Variants in HDAC4 observed in about 807,000 individuals in gnomAD.
HDAC4 encodes histone deacetylase 4.
HDAC4 carries 16 observed loss-of-function variants against 135.1 expected under a neutral mutation model. That is an observed-to-expected ratio of 0.12 (90% CI 0.08 to 0.18). The LOEUF (loss-of-function observed/expected upper bound fraction) is 0.18. Ranked by LOEUF, HDAC4 falls within the 10% of genes least tolerant of loss-of-function variation. The probability of loss-of-function intolerance (pLI) is 1.00; values close to 1 mark genes in which losing one functional copy is unlikely to be tolerated. For synonymous variants in HDAC4, 685 were observed against 653.4 expected (o/e 1.05, Z -0.74); for missense variants, 1,143 against 1,511.8 (o/e 0.76, Z 4.05).
At chr2:239,385,518 C>A (rs1299461115) in intron 1 of HDAC4, among the ~76,000 whole-genome samples, 1 of 149,852 alleles carries the variant, frequency 6.7e-6, no homozygotes, top group Non-Finnish European at 1.5e-5. Flanking sequence ...GCCACAGGGG[C>A]CCCTGTTCCC....
At chr2:239,293,414 A>G (rs980955647) in intron 2 of HDAC4, among the ~76,000 whole-genome samples, 3 of 152,194 alleles carry the variant, frequency 2.0e-5, no homozygotes, top group African/African-American at 7.2e-5. Context: ...AGAAAACCCT[A>G]TTTGAGAAGG....
At chr2:239,321,675 C>G (rs2053317722) in intron 2 of HDAC4, among the ~76,000 whole-genome samples, 1 of 152,078 alleles carries the variant, frequency 6.6e-6, no homozygotes, top group African/African-American at 2.4e-5. Flanking sequence ...TGCTTCCTGT[C>G]AGAGTACAGG....
rs185104540 is a variant in HDAC4, at chr2:239,049,049, G to C, written c.*4048C>G. 6.6e-6 allele frequency: 1 copy of C among 152,226 alleles called. No individual in the cohort carries two copies. The highest frequency in any genetic ancestry group is 1.5e-5 in the Non-Finnish European group (1 of 68,042). 9.4% of individuals were successfully genotyped at this position (152,226 alleles called of 1,614,324 possible). A position where few individuals can be genotyped will look rare whatever the true frequency, so the allele number is the denominator to read the frequency against. ...AAACAAAATTCCTCCAAATCAACTC[G>C]AGAGAGACAGGCAGTTCACTGTGAA... On this transcript the variant is annotated 3_prime_UTR_variant, in exon 27 of 27. Transcript: ENST00000543185.
intron 5 of HDAC4, among the ~76,000 whole-genome samples, chr2:239,165,201 C>T (rs1175428286): frequency 2.7e-5 from 4 of 150,916 alleles, no homozygotes; most frequent in Admixed American, 2.6e-4. Flanking sequence ...CCACCCTGCG[C>T]AATGCGAGTT....
chr2:239,315,032 C>T (rs1383140352), intron 2 of HDAC4, among the ~76,000 whole-genome samples: 1 of 152,208 alleles, frequency 6.6e-6, no homozygotes, highest in Non-Finnish European at 1.5e-5. Flanking sequence ...CCGGAGGCTT[C>T]GTCGGCATGG....
chr2:239,360,806 T>G (rs1693816853), intron 1 of HDAC4, among the ~76,000 whole-genome samples: 1 of 152,184 alleles, frequency 6.6e-6, no homozygotes. Context: ...ACCAGTTCCT[T>G]ATCACCCCTG....
chr2:239,183,741 G>A (rs1018034978), intron 4 of HDAC4, among the ~76,000 whole-genome samples: 3 of 152,168 alleles, frequency 2.0e-5, no homozygotes, highest in Admixed American at 6.5e-5. Context: ...CTGTCCTGGC[G>A]CAGAGCCCTG....
chr2:239,066,932 G>C (rs759393918), intron 23 of HDAC4, 77 bp from the exon 24 acceptor site: 1 of 1,545,980 alleles, frequency 6.5e-7, no homozygotes, highest in Non-Finnish European at 8.8e-7. Flanking sequence ...GCGTCTCATG[G>C]CATCGTAAGA....
chr2:239,364,982 G>C (rs1348510979), intron 1 of HDAC4, among the ~76,000 whole-genome samples: 2 of 152,246 alleles, frequency 1.3e-5, no homozygotes, highest in Non-Finnish European at 2.9e-5. Flanking sequence ...AATTCCCAAA[G>C]AGGTACTAAG....
chr2:239,143,448 T>A (rs1354554334), intron 8 of HDAC4, among the ~76,000 whole-genome samples: 1 of 152,220 alleles, frequency 6.6e-6, no homozygotes, highest in Non-Finnish European at 1.5e-5. Flanking sequence ...CATTTCTTGA[T>A]GGCTGTAGAA....
chr2:239,174,968 T>C (rs1333528086), intron 5 of HDAC4, among the ~76,000 whole-genome samples: 1 of 151,726 alleles, frequency 6.6e-6, no homozygotes. Flanking sequence ...AGGAGAGGAG[T>C]TATCTTTGGG....
chr2:239,214,240 C>G (rs1410252996), intron 3 of HDAC4, among the ~76,000 whole-genome samples: 6 of 152,298 alleles, frequency 3.9e-5, no homozygotes, highest in African/African-American at 1.4e-4. Flanking sequence ...GCTGCCATGT[C>G]CCCTGGCTCC....
At chr2:239,193,063 G>A (rs115408880) in intron 3 of HDAC4, among the ~76,000 whole-genome samples, 1 of 152,214 alleles carries the variant, frequency 6.6e-6, no homozygotes, top group East Asian at 1.9e-4. Context: ...TAACTGCACA[G>A]CGTTGCATCT....
chr2:239,366,557 C>T (rs918073586), intron 1 of HDAC4, among the ~76,000 whole-genome samples: 5 of 152,192 alleles, frequency 3.3e-5, no homozygotes, highest in Admixed American at 6.5e-5. Flanking sequence ...GTAAAATAAA[C>T]TCTGGAGAGG....
At chr2:239,198,841 C>G (rs529929485) in intron 3 of HDAC4, among the ~76,000 whole-genome samples, 7 of 152,074 alleles carry the variant, frequency 4.6e-5, no homozygotes, top group African/African-American at 1.7e-4. Context: ...GTAATCAAGC[C>G]GATCTCAGGT....
chr2:239,126,708 G>C lies in HDAC4; in HGVS notation c.1295-14C>G, dbSNP rs2040215074. ...AAAGATACCAGTCTGAAGATAATTG[G>C]AGGAAGAAACAGCAGAGGGGAAGAG... On this transcript the variant is annotated splice_polypyrimidine_tract_variant and intron_variant, in intron 11 of 26. Transcript: ENST00000543185. 1.9e-6 allele frequency: 3 copies of C among 1,612,350 alleles called. No homozygotes were observed. In the South Asian group the frequency reaches 3.3e-5, roughly 18 times the overall value.
chr2:239,244,672 C>G (rs1223138419), intron 2 of HDAC4, among the ~76,000 whole-genome samples: 1 of 152,154 alleles, frequency 6.6e-6, no homozygotes, highest in African/African-American at 2.4e-5. Flanking sequence ...CAAATTCCCC[C>G]TAGGTCCTTC....
chr2:239,333,233 A>G (rs1691705009), intron 2 of HDAC4, among the ~76,000 whole-genome samples: 1 of 150,440 alleles, frequency 6.6e-6, no homozygotes, highest in South Asian at 2.1e-4. Context: ...TATAACCTGA[A>G]AAATAAGATG....
intron 12 of HDAC4, among the ~76,000 whole-genome samples, chr2:239,120,778 C>A (rs189063502): frequency 0.011 from 1,717 of 151,876 alleles, 33 homozygotes; most frequent in African/African-American, 0.04. Context: ...GGCAGCAACC[C>A]CATAGAGGAC....
Sources: gnomAD v4.1 joint callset for allele counts (sites outside exome capture counted in the v4.1 genomes callset) on GRCh38, gnomAD v4.1.1 for gene constraint, MANE v1.5 for transcripts, NCBI Gene and HGNC (gene_info 2026-07-23, HGNC 2026-07-21) for gene names.